ZNF493: variants seen among roughly 807,000 people sequenced by gnomAD.
The protein encoded by ZNF493 is zinc finger protein 493.
Under a neutral mutation model 12.2 loss-of-function variants are expected in ZNF493, and 11 were observed. The observed-to-expected ratio is 0.90, with a 90% CI of 0.57 to 1.50. The LOEUF (loss-of-function observed/expected upper bound fraction) is 1.50, where lower values mean the gene tolerates loss of function less well. Among genes scored for constraint, ZNF493 ranks in the 40% most tolerant of loss-of-function variants. The pLI is 0.00. For missense variants in ZNF493, 950 were observed against 906.6 expected (o/e 1.05, Z -0.61); for synonymous variants, 286 against 302.6 (o/e 0.95, Z 0.57).
chr19:21,425,165 T>A lies in ZNF493; in HGVS notation c.*181T>A, dbSNP rs2030822223. 1.3e-6 allele frequency: 1 copy of A among 777,560 alleles called. No individual in the cohort carries two copies. The highest frequency in any genetic ancestry group is 1.6e-5 in the South Asian group (1 of 61,198). The allele number at this position is 777,560 out of a possible 1,614,324, so 48.2% of individuals were successfully genotyped here. A position where few individuals can be genotyped will look rare whatever the true frequency, so the allele number is the denominator to read the frequency against. On this transcript the variant is annotated 3_prime_UTR_variant, in exon 4 of 4. Transcript: ENST00000392288. ...CATACCTTACTAAATATAAGATAAT[T>A]CATATTGGAGAGAAATTCTACAGAT... is the stretch of plus-strand genomic sequence containing the variant.
chr19:21,422,381 CTTT>C (rs36187718), intron 3 of ZNF493, among the ~76,000 whole-genome samples: 4 of 135,256 alleles, frequency 3.0e-5, no homozygotes, highest in African/African-American at 5.5e-5. Context: ...TTTTACTAGT[CTTT>C]TTTTTTTTTT....
At position 21,423,590 on chromosome 19, in the gene ZNF493, C is replaced by A. The variant is rs1568383715; in HGVS notation, c.931C>A (p.His311Asn). The A allele has an allele frequency of 1.9e-6, 3 of 1,609,620 alleles. No homozygotes were observed. The highest frequency in any genetic ancestry group is 2.5e-6 in the Non-Finnish European group (3 of 1,179,376). ...TAACCAATCTTCAACCCTTACTGGA[C>A]ATAAGATAATTCATAATGGAGAAAA... ...TFNQSSTLTG[H>N]KIIHNGEKPY... The change falls in exon 4 of 4, where the codon CAT (histidine) becomes AAT (asparagine). Residue 311 changes from histidine (H) to asparagine (N), a missense_variant. Physicochemically the swap from His to Asn is moderately conservative, Grantham distance 68. Coordinates refer to ENST00000392288, the MANE Select transcript of ZNF493 (RefSeq NM_001076678.3).
chr19:21,407,612 T>C (rs1330946741), intron 3 of ZNF493: 12 of 979,306 alleles, frequency 1.2e-5, no homozygotes, highest in African/African-American at 1.8e-5. Flanking sequence ...TTTATTTCTA[T>C]TGTATCCAAT....
At chr19:21,406,201 G>A (rs1333092217) in intron 3 of ZNF493, among the ~76,000 whole-genome samples, 2 of 148,244 alleles carry the variant, frequency 1.3e-5, no homozygotes, top group African/African-American at 5.0e-5. Context: ...CAGCCTGGGG[G>A]ACAAGAGTGA....
Position 21,425,952 on chromosome 19 carries a change from A to T in ZNF493, c.*968A>T. The T allele has an allele frequency of 1.5e-6, 1 of 685,536 alleles. No individual in the cohort carries two copies. The highest frequency in any genetic ancestry group is 2.5e-6 in the Non-Finnish European group (1 of 397,310). 42.5% of individuals were successfully genotyped at this position (685,536 alleles called of 1,614,324 possible). A position where few individuals can be genotyped will look rare whatever the true frequency, so the allele number is the denominator to read the frequency against. ...AAACCCTACAAATGTGAAGAATGTG[A>T]CAAAGCCTTTAACCAGTCCTCAATT... On this transcript the variant is annotated 3_prime_UTR_variant, in exon 4 of 4. Coordinates refer to ENST00000392288, the MANE Select transcript of ZNF493 (RefSeq NM_001076678.3).
At chr19:21,397,402 C>T (rs1974189229) in intron 1 of ZNF493, 135 bp downstream of exon 1, 1 of 1,135,276 alleles carries the variant, frequency 8.8e-7, no homozygotes, top group Non-Finnish European at 1.3e-6. Flanking sequence ...TTGCCCAGCT[C>T]GGCCTCAGTC....
In ZNF493 at chr19:21,423,068, G is replaced by A. The variant is rs755176398; in HGVS notation, c.409G>A (p.Glu137Lys). ...TATGAATGAGTGTAATGTGCACAAA[G>A]AAGGTTATAATGAACTAAACCAGTA... ...KSMNECNVHK[E>K]GYNELNQYLT... Residue 137 changes from glutamate to lysine, a missense_variant, in exon 4 of 4, where the codon GAA (glutamate) becomes AAA (lysine). By Grantham distance (56) the Glu-to-Lys change is moderately conservative. Coordinates refer to ENST00000392288, the MANE Select transcript of ZNF493 (RefSeq NM_001076678.3). 1 of 1,613,348 alleles carries A rather than the reference G, an allele frequency of 6.2e-7. No homozygotes were observed. The highest frequency in any genetic ancestry group is 1.3e-5 in the African/African-American group (1 of 74,840).
At chr19:21,398,714 T>C (rs1974211692) in intron 1 of ZNF493, 1 of 246,900 alleles carries the variant, frequency 4.1e-6, no homozygotes. Flanking sequence ...GGTAACCCTT[T>C]GAAATGTTAA....
chr19:21,408,481 A>C, intron 3 of ZNF493: 1 of 984,352 alleles, frequency 1.0e-6, no homozygotes, highest in South Asian at 4.7e-5. Flanking sequence ...TATTTTATTT[A>C]TAATTATACT....
chr19:21,408,043 G>C (rs912895856), intron 3 of ZNF493: 2 of 984,720 alleles, frequency 2.0e-6, no homozygotes, highest in African/African-American at 3.5e-5. Context: ...TGGTTGCAAG[G>C]CTGCTGGTTC....
At chr19:21,406,735 TG>T (rs2030143390) in intron 3 of ZNF493, among the ~76,000 whole-genome samples, 1 of 152,166 alleles carries the variant, frequency 6.6e-6, no homozygotes, top group South Asian at 2.1e-4. Context: ...CCCTCTGCTT[TG>T]TTTTTTTTTC....
intron 3 of ZNF493, among the ~76,000 whole-genome samples, chr19:21,415,549 A>ATCAAAT (rs964221789): frequency 6.6e-6 from 1 of 152,186 alleles, no homozygotes; most frequent in Non-Finnish European, 1.5e-5. Flanking sequence ...AGTGCAAGAA[A>ATCAAAT]TCAAATTTTG....
intron 1 of ZNF493, 39 bp from the exon 2 acceptor site, chr19:21,405,088 ATG>A (rs35143973): frequency 0.015 from 17,475 of 1,191,710 alleles, 1 homozygote; most frequent in East Asian, 0.08. Flanking sequence ...CCACGTGTAA[ATG>A]TGTGTGTGTG....
intron 3 of ZNF493, among the ~76,000 whole-genome samples, chr19:21,411,546 C>T (rs1266121801): frequency 6.6e-6 from 1 of 151,868 alleles, no homozygotes; most frequent in African/African-American, 2.4e-5. Context: ...AAAGTGAAAC[C>T]CCGTCTCTAC....
intron 3 of ZNF493, among the ~76,000 whole-genome samples, chr19:21,416,495 A>G (rs1364992698): frequency 6.6e-6 from 1 of 152,210 alleles, no homozygotes; most frequent in African/African-American, 2.4e-5. Context: ...ACTATATTAA[A>G]TTGAGTGGGT....
chr19:21,421,074 C>A (rs969495812), intron 3 of ZNF493, among the ~76,000 whole-genome samples: 3 of 152,078 alleles, frequency 2.0e-5, no homozygotes, highest in African/African-American at 7.2e-5. Context: ...GTTGCAGCTC[C>A]CAAGATTCCC....
chr19:21,423,710 T>C lies in ZNF493; in HGVS notation c.1051T>C (p.Cys351Arg), dbSNP rs368649806. 3.1e-6 allele frequency: 5 copies of C among 1,613,510 alleles called. No individual in the cohort carries two copies. The African/African-American group carries it at 5.3e-5, about 17-fold the overall frequency. Residue 351 changes from cysteine (C) to arginine (R), a missense_variant, in exon 4 of 4, where the codon TGT becomes CGT. Coordinates refer to ENST00000392288, the MANE Select transcript of ZNF493 (RefSeq NM_001076678.3). ...TCACACTGAAGAGAAATCCCACAGA[T>C]GTGAAGAATATTGCAAAGCTTATAA... is the stretch of plus-strand genomic sequence containing the variant. ...IIHTEEKSHR[C>R]EEYCKAYKES...
intron 3 of ZNF493, among the ~76,000 whole-genome samples, chr19:21,419,082 TGAG>T (rs541710760): frequency 3.1e-4 from 47 of 152,256 alleles, no homozygotes; most frequent in Middle Eastern, 3.4e-3. Context: ...TTATTGAACT[TGAG>T]GAGGAAGATG....
intron 2 of ZNF493, 149 bp downstream of exon 2, chr19:21,405,404 A>G (rs1292973139): frequency 1.4e-6 from 2 of 1,458,668 alleles, no homozygotes; most frequent in Admixed American, 5.6e-5. Flanking sequence ...TCCGTGTGGA[A>G]AAAAATTTCT....
Sources: allele counts gnomAD v4.1 joint callset (sites outside exome capture counted in the v4.1 genomes callset), GRCh38; gene constraint gnomAD v4.1.1; transcripts MANE v1.5; gene names NCBI Gene and HGNC (gene_info 2026-07-23, HGNC 2026-07-21).